ADGRG7: variants seen among roughly 807,000 people sequenced by gnomAD.
ADGRG7 encodes the protein G-protein coupled receptor 128.
Under a neutral mutation model 88.6 loss-of-function variants are expected in ADGRG7, and 82 were observed. The ratio of observed to expected loss-of-function variants is 0.93; its 90% CI spans 0.77 to 1.11. The LOEUF (loss-of-function observed/expected upper bound fraction) is 1.11, where lower values mean the gene tolerates loss of function less well. Among genes scored for constraint, ADGRG7 ranks in the 50% most tolerant of loss-of-function variants. The pLI is 0.00. For missense variants in ADGRG7, 945 were observed against 953.4 expected (o/e 0.99, Z 0.12); for synonymous variants, 381 against 345.2 (o/e 1.10, Z -1.15).
At position 100,635,694 on chromosome 3, in the gene ADGRG7, A is replaced by T; in HGVS notation, c.465A>T (p.Ala155=). The T allele has an allele frequency of 1.2e-6, 2 of 1,613,824 alleles. No individual in the cohort carries two copies. The highest frequency in any genetic ancestry group is 1.7e-6 in the Non-Finnish European group (2 of 1,179,884). ...TAAAACAGGTAAAGGATGTCACAGCACCACTTAATAACATTTCTTCTGAAG... is the reference window on the plus strand; with the variant it reads ...TAAAACAGGTAAAGGATGTCACAGCTCCACTTAATAACATTTCTTCTGAAG... ...TLEKQVKDVT[A]PLNNISSEVQ... Residue 155 remains alanine, a synonymous_variant, in exon 5 of 16, where the codon GCA becomes GCT. Coordinates refer to ENST00000273352, the MANE Select transcript of ADGRG7 (RefSeq NM_032787.3).
At chr3:100,688,948 T>C (rs2094988145) in intron 15 of ADGRG7, among the ~76,000 whole-genome samples, 1 of 152,180 alleles carries the variant, frequency 6.6e-6, no homozygotes. Context: ...CTTTCTGTCT[T>C]GTTGATCCAT....
intron 15 of ADGRG7, among the ~76,000 whole-genome samples, chr3:100,689,044 T>A (rs537231853): frequency 1.6e-4 from 25 of 152,344 alleles, no homozygotes; most frequent in Non-Finnish European, 2.9e-4. Context: ...GAACTTGCTT[T>A]GTGAATCTGG....
rs780240149 is a variant in ADGRG7 at position 100,655,136 on chromosome 3, C to A, written c.1681C>A (p.Pro561Thr). The change falls in exon 12 of 16, where the codon CCT (proline) becomes ACT (threonine). Residue 561 changes from proline to threonine, a missense_variant. By Grantham distance (38) the Pro-to-Thr change is conservative. Coordinates refer to ENST00000273352, the MANE Select transcript of ADGRG7 (RefSeq NM_032787.3). ...TTACCTTCTAATAAGGACCATGAAGCCTCTTCCTCGGCATTTCATTCTTTT... is the reference window on the plus strand; with the variant it reads ...TTACCTTCTAATAAGGACCATGAAGACTCTTCCTCGGCATTTCATTCTTTT... The part of the protein sequence containing the change: ...LYYLLIRTMK[P>T]LPRHFILFIS... 2 of 1,613,300 alleles carry A rather than the reference C, an allele frequency of 1.2e-6. No homozygotes were observed. The highest frequency in any genetic ancestry group is 1.7e-6 in the Non-Finnish European group (2 of 1,179,422).
chr3:100,640,148 AT>A lies in ADGRG7; in HGVS notation c.698+2747del, dbSNP rs561196776. On this transcript the variant is annotated intron_variant, in intron 6 of 15. Transcript: ENST00000273352. ...AGCTCTCTTTAGGAGAATACTCTTG[AT>A]GAGCTTCCAACAGAGGTCATCTCTC... Among the ~76,000 whole-genome samples, 10 of 152,298 alleles carry A rather than the reference AT, an allele frequency of 6.6e-5. No homozygotes were observed. In the East Asian group the frequency reaches 1.9e-3, roughly 29 times the overall value.
chr3:100,672,643 A>G (rs1157565987), intron 15 of ADGRG7, among the ~76,000 whole-genome samples: 1 of 152,202 alleles, frequency 6.6e-6, no homozygotes, highest in Non-Finnish European at 1.5e-5. Flanking sequence ...CCAGTTTTCA[A>G]AGGGAATGCT....
At chr3:100,628,895 C>T (rs1464551005) in intron 1 of ADGRG7, among the ~76,000 whole-genome samples, 2 of 152,094 alleles carry the variant, frequency 1.3e-5, no homozygotes, top group Middle Eastern at 3.2e-3. Flanking sequence ...CACTTATCCT[C>T]CTAAAAATAA....
intron 14 of ADGRG7, among the ~76,000 whole-genome samples, chr3:100,664,057 T>G (rs187188275): frequency 2.5e-3 from 375 of 152,224 alleles, no homozygotes; most frequent in Non-Finnish European, 4.3e-3. Context: ...TCGACTGCCA[T>G]GTATTCACCA....
intron 6 of ADGRG7, 72 bp downstream of exon 6, chr3:100,637,474 A>G: frequency 1.0e-6 from 1 of 986,594 alleles, no homozygotes; most frequent in Non-Finnish European, 1.6e-6. Flanking sequence ...AAGTATTAAC[A>G]GAGATATCTT....
intron 1 of ADGRG7, among the ~76,000 whole-genome samples, chr3:100,627,286 GC>G (rs1228744185): frequency 6.6e-6 from 1 of 152,072 alleles, no homozygotes. Context: ...AAAGTGAGAT[GC>G]TTTTTGTCTC....
intron 5 of ADGRG7, among the ~76,000 whole-genome samples, chr3:100,636,225 G>C (rs1008459882): frequency 6.3e-4 from 96 of 152,230 alleles, no homozygotes; most frequent in African/African-American, 2.2e-3. Context: ...ACCACACCTG[G>C]CTATCACATT....
intron 11 of ADGRG7, among the ~76,000 whole-genome samples, chr3:100,653,295 G>C (rs74420426): frequency 0.015 from 2,310 of 152,220 alleles, 46 homozygotes; most frequent in African/African-American, 0.052. Flanking sequence ...CGTAAAGTAA[G>C]CTGAATATTA....
chr3:100,638,651 CT>C (rs1275076976), intron 6 of ADGRG7, among the ~76,000 whole-genome samples: 1 of 152,166 alleles, frequency 6.6e-6, no homozygotes, highest in African/African-American at 2.4e-5. Context: ...AGGTTTCCCC[CT>C]GGGATCCACC....
rs9713144 is a variant in ADGRG7, at chr3:100,686,324, T to C, written c.2137-8420T>C. On this transcript the variant is annotated intron_variant, in intron 15 of 15. Transcript: ENST00000273352. ...CAAAAATTTTCTCCCATTCTGTAGG[T>C]TGCCTGTTCACTCTGATGGTAGTTT... 3.3e-3 allele frequency among the ~76,000 whole-genome samples: 510 copies of C among 152,318 alleles called. 2 individuals are homozygous for C. The highest frequency in any genetic ancestry group is 0.011 in the African/African-American group (477 of 41,556).
intron 15 of ADGRG7, among the ~76,000 whole-genome samples, chr3:100,675,759 T>G (rs1355943465): frequency 6.6e-6 from 1 of 152,166 alleles, no homozygotes; most frequent in Non-Finnish European, 1.5e-5. Context: ...GCTAGGAAAC[T>G]TTTTATTACA....
intron 14 of ADGRG7, among the ~76,000 whole-genome samples, chr3:100,660,492 C>T (rs571042512): frequency 2.0e-5 from 3 of 151,908 alleles, no homozygotes; most frequent in East Asian, 2.0e-4. Context: ...TTTTTTATAG[C>T]GATATAGTCT....
rs571757224 is a variant in ADGRG7, at chr3:100,688,953, A to T, written c.2137-5791A>T. On this transcript the variant is annotated intron_variant, in intron 15 of 15. Coordinates refer to ENST00000273352, the MANE Select transcript of ADGRG7 (RefSeq NM_032787.3). ...GCCTTGTTAACTTTCTGTCTTGTTG[A>T]TCCATCTAATGTTGACAGTGGGGTG... 2.0e-5 allele frequency among the ~76,000 whole-genome samples: 3 copies of T among 152,238 alleles called. No homozygotes were observed. The South Asian group carries it at 6.2e-4, about 32-fold the overall frequency.
At chr3:100,683,036 T>C (rs2094976193) in intron 15 of ADGRG7, among the ~76,000 whole-genome samples, 1 of 152,104 alleles carries the variant, frequency 6.6e-6, no homozygotes, top group African/African-American at 2.4e-5. Flanking sequence ...AGTGAAGAGC[T>C]ACTGTCTCTC....
intron 10 of ADGRG7, among the ~76,000 whole-genome samples, chr3:100,648,863 CACT>C (rs1707801657): frequency 6.6e-6 from 1 of 152,074 alleles, no homozygotes; most frequent in Non-Finnish European, 1.5e-5. Flanking sequence ...TGACCACCAC[CACT>C]ACCTCACCAG....
At chr3:100,651,246 T>C (rs2094929058) in intron 11 of ADGRG7, among the ~76,000 whole-genome samples, 1 of 151,940 alleles carries the variant, frequency 6.6e-6, no homozygotes, top group Admixed American at 6.6e-5. Flanking sequence ...GCAGACATTA[T>C]AAAAATATCT....
Sources: allele counts gnomAD v4.1 joint callset (sites outside exome capture counted in the v4.1 genomes callset), GRCh38; gene constraint gnomAD v4.1.1; transcripts MANE v1.5; gene names NCBI Gene and HGNC (gene_info 2026-07-23, HGNC 2026-07-21).